Variants in VAV1 observed in about 807,000 individuals in gnomAD.
The protein encoded by VAV1 is proto-oncogene vav.
In VAV1, 33 loss-of-function variants were observed where a neutral mutation model predicts 128.1. The observed-to-expected ratio is 0.26, with a 90% CI of 0.20 to 0.34. The LOEUF is 0.34. VAV1 is among the 10% of genes least tolerant of loss of function. The pLI is 1.00. For synonymous variants in VAV1, 394 were observed against 409.8 expected, an observed-to-expected ratio of 0.96 and a Z score of 0.47; for missense variants, 715 against 1,093.7, an observed-to-expected ratio of 0.65 and a Z score of 4.88.
chr19:6,850,828 G>C (rs1452043777), intron 24 of VAV1, 71 bp downstream of exon 24: 1 of 1,523,530 alleles, frequency 6.6e-7, no homozygotes, highest in Non-Finnish European at 9.0e-7. Flanking sequence ...CTCCGCCTTG[G>C]GACCCCCTTT....
chr19:6,838,385 GTTC>G (rs1266742302), intron 21 of VAV1, among the ~76,000 whole-genome samples: 1 of 134,498 alleles, frequency 7.4e-6, no homozygotes, highest in African/African-American at 2.8e-5. Context: ...TCATCAATCA[GTTC>G]TTCTATCCAT....
chr19:6,782,329 AAAATAAAT>A (rs146389730), intron 1 of VAV1, among the ~76,000 whole-genome samples: 13 of 150,268 alleles, frequency 8.7e-5, no homozygotes, highest in South Asian at 6.3e-4. Context: ...GACTCCATCT[AAAATAAAT>A]AAATAAATAA....
intron 22 of VAV1, among the ~76,000 whole-genome samples, chr19:6,846,917 GTT>G (rs533658535): frequency 3.0e-5 from 4 of 135,374 alleles, no homozygotes; most frequent in Admixed American, 7.5e-5. Flanking sequence ...GTGGCTTTTT[GTT>G]TTTTTTTTTT....
At chr19:6,856,948 G>A (rs1356522426) in intron 26 of VAV1, 106 bp from the exon 27 acceptor site, 1 of 901,334 alleles carries the variant, frequency 1.1e-6, no homozygotes, top group African/African-American at 1.6e-5. Context: ...ACAGAAGGAA[G>A]AGCAGGTGCA....
chr19:6,775,432 A>G (rs915597836), intron 1 of VAV1, among the ~76,000 whole-genome samples: 19 of 152,218 alleles, frequency 1.2e-4, no homozygotes, highest in African/African-American at 4.6e-4. Flanking sequence ...GCTGCACTCC[A>G]AATACAGTCC....
rs199644964 is a variant in VAV1 at position 6,826,627 on chromosome 19, C to T, written c.843C>T (p.Gly281=). The T allele has an allele frequency of 1.3e-6, 2 of 1,555,648 alleles. No homozygotes were observed. Among genetic ancestry groups the T allele is most frequent in the African/African-American group, 2.7e-5 (2 of 73,500 alleles). Residue 281 remains glycine, a synonymous_variant, in exon 9 of 27, where the codon GGC becomes GGT. Transcript: ENST00000602142. This position sits in a 1 kb window ranked among gnomAD's most constrained non-coding sequence, Gnocchi z 4.1. ...CTCCCTGTAGGTTCCTCGTCTATGGCCGCTACTGCAGCCAGGTGGAGTCAG... is the reference window on the plus strand; with the variant it reads ...CTCCCTGTAGGTTCCTCGTCTATGGTCGCTACTGCAGCCAGGTGGAGTCAG... ...IKYKERFLVY[G]RYCSQVESAS...
At chr19:6,838,934 C>T (rs886304940) in intron 21 of VAV1, among the ~76,000 whole-genome samples, 1 of 143,418 alleles carries the variant, frequency 7.0e-6, no homozygotes, top group Non-Finnish European at 1.5e-5. Flanking sequence ...TGGAGTTTCA[C>T]TCTTGTTTCC....
chr19:6,780,071 A>G (rs1387826765), intron 1 of VAV1, among the ~76,000 whole-genome samples: 2 of 147,634 alleles, frequency 1.4e-5, no homozygotes, highest in Non-Finnish European at 1.5e-5. Context: ...AGATCAGGCC[A>G]CTGCACTCCA....
In VAV1 at chr19:6,826,353, T is replaced by A. The variant is rs950906905; in HGVS notation, c.828-259T>A. 2.6e-5 allele frequency among the ~76,000 whole-genome samples: 4 copies of A among 151,936 alleles called. No individual in the cohort carries two copies. Among genetic ancestry groups the A allele is most frequent in the East Asian group, 1.9e-4 (1 of 5,192 alleles). ...AACCCCGTCTCAAAAATAAATAAAT[T>A]AATTAAATTAAATAAAAATAAATAA... On this transcript the variant is annotated intron_variant, in intron 8 of 26. Coordinates refer to ENST00000602142, the MANE Select transcript of VAV1 (RefSeq NM_005428.4). This position sits in a 1 kb window ranked among gnomAD's most constrained non-coding sequence, Gnocchi z 4.1.
chr19:6,792,011 AG>A (rs1377062934), intron 1 of VAV1, among the ~76,000 whole-genome samples: 1 of 151,664 alleles, frequency 6.6e-6, no homozygotes, highest in African/African-American at 2.4e-5. Context: ...GTGGAACTTA[AG>A]GGGGGGATGG....
chr19:6,777,209 TCATC>T lies in VAV1; in HGVS notation c.204+4206_204+4209del, dbSNP rs1158149715. On this transcript the variant is annotated intron_variant, in intron 1 of 26. Coordinates refer to ENST00000602142, the MANE Select transcript of VAV1 (RefSeq NM_005428.4). This position sits in a 1 kb window ranked among gnomAD's most constrained non-coding sequence, Gnocchi z 4.4. Reference sequence around the variant, plus strand: ...TTCATCTACCCATCCATCCATTCATTCATCCATCCATTTATCTGTTTAACTATCC... The same window carrying T: ...TTCATCTACCCATCCATCCATTCATTCATCCATTTATCTGTTTAACTATCC... Among the ~76,000 whole-genome samples the T allele has an allele frequency of 6.7e-6, 1 of 149,596 alleles. No homozygotes were observed. The highest frequency in any genetic ancestry group is 6.8e-5 in the Admixed American group (1 of 14,796).
chr19:6,781,472 C>G (rs1970764747), intron 1 of VAV1, among the ~76,000 whole-genome samples: 1 of 152,172 alleles, frequency 6.6e-6, no homozygotes, highest in Non-Finnish European at 1.5e-5. Flanking sequence ...TACATTTTCT[C>G]TTATTCTGAG....
chr19:6,799,844 CAAAAAAAAAAAA>C (rs60826995), intron 1 of VAV1, among the ~76,000 whole-genome samples: 14 of 48,950 alleles, frequency 2.9e-4, no homozygotes, highest in Non-Finnish European at 5.1e-4. Context: ...GAGACTGTCT[CAAAAAAAAAAAA>C]AAAAAAAAAA....
At chr19:6,795,511 T>C (rs998053691) in intron 1 of VAV1, among the ~76,000 whole-genome samples, 3 of 152,056 alleles carry the variant, frequency 2.0e-5, no homozygotes, top group Non-Finnish European at 4.4e-5. Flanking sequence ...ATTTTATTTA[T>C]AACTCTAATG....
intron 21 of VAV1, 21 bp downstream of exon 21, chr19:6,837,071 T>A: frequency 6.2e-7 from 1 of 1,613,484 alleles, no homozygotes; most frequent in South Asian, 1.1e-5. Context: ...CAAGTCTGAA[T>A]GGAATAAGGG....
intron 1 of VAV1, among the ~76,000 whole-genome samples, chr19:6,799,060 G>A (rs374178107): frequency 4.1e-4 from 63 of 152,230 alleles, no homozygotes; most frequent in African/African-American, 1.4e-3. Context: ...CCCTGAGCAT[G>A]ATGTCCTGGT....
At chr19:6,812,830 A>G (rs1208861491) in intron 1 of VAV1, among the ~76,000 whole-genome samples, 4 of 151,438 alleles carry the variant, frequency 2.6e-5, no homozygotes, top group Non-Finnish European at 4.4e-5. Context: ...TGGTGGTGAT[A>G]ATGATGATGA....
At chr19:6,850,225 G>GTTTTTTTTTTTTTT (rs760967154) in intron 23 of VAV1, among the ~76,000 whole-genome samples, 20 of 49,030 alleles carry the variant, frequency 4.1e-4, no homozygotes, top group East Asian at 5.7e-4. Flanking sequence ...TTGTTTCTTT[G>GTTTTTTTTTTTTTT]TTTTTTTTTT....
chr19:6,802,035 A>G (rs1342786534), intron 1 of VAV1, among the ~76,000 whole-genome samples: 1 of 3,388 alleles, frequency 3.0e-4, no homozygotes, highest in Non-Finnish European at 1.1e-3. Context: ...CGTCCTCATA[A>G]TGCCTCTCCT....
Sources: allele counts gnomAD v4.1 joint callset (sites outside exome capture counted in the v4.1 genomes callset), GRCh38; gene constraint gnomAD v4.1.1; non-coding constraint Gnocchi (gnomAD v3.1); transcripts MANE v1.5; gene names NCBI Gene and HGNC (gene_info 2026-07-23, HGNC 2026-07-21).